RNF38: variants seen among roughly 807,000 people sequenced by gnomAD.
The protein encoded by RNF38 is E3 ubiquitin-protein ligase RNF38.
In RNF38, 15 loss-of-function variants were observed where a neutral mutation model predicts 67.2. The observed-to-expected ratio is 0.22, with a 90% confidence interval of 0.15 to 0.34. RNF38 has a LOEUF of 0.34. RNF38 is among the 10% of genes least tolerant of loss of function. The pLI, the probability that RNF38 is intolerant of heterozygous loss-of-function variation, is 1.00. For synonymous variants in RNF38, 220 were observed against 218.8 expected (o/e 1.01, Z -0.05); for missense variants, 524 against 639.9 (o/e 0.82, Z 1.95).
At chr9:36,370,966 T>C (rs964371015) in intron 3 of RNF38, among the ~76,000 whole-genome samples, 1 of 152,174 alleles carries the variant, frequency 6.6e-6, no homozygotes, top group Non-Finnish European at 1.5e-5. Flanking sequence ...TTACTCTCCA[T>C]GTACTAGTCA....
upstream of RNF38, chr9:36,400,291 C>T (rs1411253099): frequency 2.3e-6 from 3 of 1,295,712 alleles, no homozygotes; most frequent in East Asian, 5.8e-5. Flanking sequence ...CCCTTTCGAC[C>T]GGGTTCCGCG....
intron 2 of RNF38, among the ~76,000 whole-genome samples, chr9:36,378,193 G>A (rs1384429563): frequency 1.4e-4 from 4 of 29,136 alleles, no homozygotes; most frequent in Non-Finnish European, 2.9e-4. Flanking sequence ...TTTTTTTTTT[G>A]TGAGACGGAG....
rs760681300 is a variant in RNF38 at position 36,400,197 on chromosome 9, C to T, written c.-89G>A. On this transcript the variant is annotated 5_prime_UTR_variant, in exon 1 of 12. Transcript: ENST00000259605. Reference sequence around the variant, plus strand: ...AAAACCAACCTCTCTCACGCTTCAACCCTGAAAGGAAGAACTTGCATCCCC... The same window carrying T: ...AAAACCAACCTCTCTCACGCTTCAATCCTGAAAGGAAGAACTTGCATCCCC... The T allele has an allele frequency of 2.2e-4, 334 of 1,548,282 alleles. No individual in the cohort carries two copies. The highest frequency in any genetic ancestry group is 2.7e-4 in the Non-Finnish European group (309 of 1,150,204).
intron 4 of RNF38, among the ~76,000 whole-genome samples, chr9:36,359,877 T>C (rs1468466454): frequency 6.6e-6 from 1 of 151,716 alleles, no homozygotes; most frequent in African/African-American, 2.4e-5. Context: ...CCGCCCCGAG[T>C]AGCTGGGACT....
intron 4 of RNF38, among the ~76,000 whole-genome samples, chr9:36,358,984 C>G (rs2133602627): frequency 1.3e-5 from 2 of 152,232 alleles, no homozygotes; most frequent in East Asian, 3.9e-4. Context: ...GCACTCCAGC[C>G]TGGGCGACAA....
At chr9:36,356,128 T>C (rs570608308) in intron 6 of RNF38, among the ~76,000 whole-genome samples, 175 bp downstream of exon 6, 1 of 152,102 alleles carries the variant, frequency 6.6e-6, no homozygotes, top group Admixed American at 6.5e-5. Flanking sequence ...ATTACAGGAG[T>C]GAGTCACTGC....
chr9:36,459,532 T>C (rs1379286370), intron 1 of RNF38, among the ~76,000 whole-genome samples: 2 of 152,216 alleles, frequency 1.3e-5, no homozygotes, highest in Non-Finnish European at 2.9e-5. Flanking sequence ...TTATAAGCTG[T>C]GAACACAAAT....
intron 1 of RNF38, among the ~76,000 whole-genome samples, chr9:36,394,539 CAT>C (rs1385076522): frequency 6.6e-6 from 1 of 152,190 alleles, no homozygotes; most frequent in Non-Finnish European, 1.5e-5. Context: ...AAAATTAACA[CAT>C]TTTTATTTAA....
upstream of RNF38, chr9:36,400,653 C>T (rs1019387911): frequency 9.3e-5 from 92 of 985,844 alleles, no homozygotes; most frequent in Non-Finnish European, 1.1e-4. Context: ...GCCAGCTCGC[C>T]AGATCCGCCG....
At chr9:36,473,985 CG>C (rs1404924863) in intron 1 of RNF38, among the ~76,000 whole-genome samples, 1 of 114,880 alleles carries the variant, frequency 8.7e-6, no homozygotes, top group African/African-American at 3.3e-5. Flanking sequence ...GACTCCATCT[CG>C]GGAAAAAAAA....
chr9:36,432,235 A>G (rs948192417), intron 1 of RNF38, among the ~76,000 whole-genome samples: 9 of 152,058 alleles, frequency 5.9e-5, no homozygotes, highest in African/African-American at 1.2e-4. Context: ...CCCAGGTTCA[A>G]GTAAATCTCC....
chr9:36,360,796 C>A (rs1015581722), intron 4 of RNF38, among the ~76,000 whole-genome samples: 5 of 152,086 alleles, frequency 3.3e-5, no homozygotes, highest in Non-Finnish European at 7.4e-5. Flanking sequence ...ATACCACCCC[C>A]CTACCCCGAC....
At chr9:36,403,490 G>C (rs1838108659), upstream of RNF38, among the ~76,000 whole-genome samples, 1 of 152,146 alleles carries the variant, frequency 6.6e-6, no homozygotes, top group Admixed American at 6.5e-5. Flanking sequence ...GGTGCTTTTG[G>C]CAAGAGCTTT....
chr9:36,400,130 A>C lies in RNF38; in HGVS notation c.-22T>G, dbSNP rs1259619189. The C allele has an allele frequency of 9.3e-6, 15 of 1,611,744 alleles. No individual in the cohort carries two copies. Among genetic ancestry groups the C allele is most frequent in the African/African-American group, 2.7e-5 (2 of 74,852 alleles). On this transcript the variant is annotated 5_prime_UTR_variant, in exon 1 of 12. Coordinates refer to ENST00000259605, the MANE Select transcript of RNF38 (RefSeq NM_022781.5). Reference sequence around the variant, plus strand: ...CCATACAGACGTAAACAAAAACTTTATTTCTTTTTGGACCTCAATAACCTG... The same window carrying C: ...CCATACAGACGTAAACAAAAACTTTCTTTCTTTTTGGACCTCAATAACCTG...
intron 2 of RNF38, among the ~76,000 whole-genome samples, chr9:36,410,899 T>G (rs1213226526): frequency 6.6e-6 from 1 of 152,062 alleles, no homozygotes; most frequent in Admixed American, 6.6e-5. Flanking sequence ...GAGTTATTGT[T>G]TAATGGGTAG....
intron 2 of RNF38, among the ~76,000 whole-genome samples, chr9:36,386,546 C>T (rs1314095198): frequency 1.3e-5 from 2 of 152,182 alleles, no homozygotes; most frequent in African/African-American, 4.8e-5. Flanking sequence ...TAAACAGTGG[C>T]TTGGTAAAAT....
chr9:36,385,960 G>T (rs1564029356), intron 2 of RNF38, among the ~76,000 whole-genome samples: 1 of 152,160 alleles, frequency 6.6e-6, no homozygotes, highest in Non-Finnish European at 1.5e-5. Flanking sequence ...GCTGGGAAAA[G>T]CCTTCTACAA....
intron 2 of RNF38, among the ~76,000 whole-genome samples, chr9:36,389,751 T>C (rs1008038542): frequency 1.3e-5 from 2 of 152,164 alleles, no homozygotes; most frequent in African/African-American, 4.8e-5. Flanking sequence ...GCCTTGATGA[T>C]CAATTATTTC....
chr9:36,424,657 G>C lies in RNF38; in HGVS notation n.268C>G, dbSNP rs1587113989. On this transcript the variant is annotated non_coding_transcript_exon_variant, in exon 2 of 4. Transcript: ENST00000488058. ...CAAATGTGGTCGTGATGGATGGACT[G>C]GCACTGAAAAGAAGCACCAACACTA... is the stretch of plus-strand genomic sequence containing the variant. 7 of 985,732 alleles carry C rather than the reference G, an allele frequency of 7.1e-6. No individual in the cohort carries two copies. In the South Asian group the frequency reaches 3.3e-4, roughly 46 times the overall value. 61.1% of individuals were successfully genotyped at this position (985,732 alleles called of 1,614,324 possible). A position where few individuals can be genotyped will look rare whatever the true frequency, so the allele number is the denominator to read the frequency against.
Sources: allele counts gnomAD v4.1 joint callset (sites outside exome capture counted in the v4.1 genomes callset), GRCh38; gene constraint gnomAD v4.1.1; transcripts MANE v1.5; gene names NCBI Gene and HGNC (gene_info 2026-07-23, HGNC 2026-07-21).